MBD5: variants seen among roughly 807,000 people sequenced by gnomAD.
The protein encoded by MBD5 is methyl-CpG-binding domain protein 5.
A neutral mutation model predicts 117.3 loss-of-function variants in MBD5; 13 were observed. The observed-to-expected ratio is 0.11, with a 90% CI of 0.07 to 0.18. MBD5 has a LOEUF of 0.18. Among genes scored for constraint, MBD5 ranks in the 10% least tolerant of loss-of-function variants. The probability of loss-of-function intolerance (pLI) is 1.00; values close to 1 mark genes in which losing one functional copy is unlikely to be tolerated. For synonymous variants in MBD5, 727 were observed against 766.4 expected, an observed-to-expected ratio of 0.95 and a Z score of 0.85; for missense variants, 1,879 against 2,093.8, an observed-to-expected ratio of 0.90 and a Z score of 2.00.
At chr2:148,294,501 G>GTTTTTTTTTTGTTGTT (rs1701590246) in intron 3 of MBD5, among the ~76,000 whole-genome samples, 5 of 113,216 alleles carry the variant, frequency 4.4e-5, no homozygotes, top group South Asian at 5.3e-4. Flanking sequence ...TGGGATTACA[G>GTTTTTTTTTTGTTGTT]TTTTTTTTTT....
At chr2:148,309,656 C>G (rs1701981263) in intron 3 of MBD5, among the ~76,000 whole-genome samples, 1 of 152,082 alleles carries the variant, frequency 6.6e-6, no homozygotes, top group Non-Finnish European at 1.5e-5. Flanking sequence ...GCCTGATTGC[C>G]CCAGCCAGAA....
chr2:148,461,427 T>C (rs1242211234), intron 5 of MBD5, among the ~76,000 whole-genome samples: 1 of 152,190 alleles, frequency 6.6e-6, no homozygotes, highest in African/African-American at 2.4e-5. Flanking sequence ...TTCATAAGTG[T>C]CCATAAATAA....
chr2:148,344,371 A>G (rs1470739981), intron 4 of MBD5, among the ~76,000 whole-genome samples: 1 of 152,056 alleles, frequency 6.6e-6, no homozygotes, highest in African/African-American at 2.4e-5. Context: ...TGGTAGTTTG[A>G]TAGCAATAGC....
chr2:148,204,538 C>T (rs1455716980), intron 2 of MBD5, among the ~76,000 whole-genome samples: 1 of 152,062 alleles, frequency 6.6e-6, no homozygotes, highest in Non-Finnish European at 1.5e-5. Context: ...TGAGACATGT[C>T]CTCATAAAAT....
chr2:148,211,416 A>G (rs1222168723), intron 2 of MBD5, among the ~76,000 whole-genome samples: 1 of 152,136 alleles, frequency 6.6e-6, no homozygotes, highest in East Asian at 1.9e-4. Flanking sequence ...CTCAGAGAAA[A>G]CTGCAAGATT....
intron 8 of MBD5, among the ~76,000 whole-genome samples, chr2:148,481,004 A>G (rs1681132499): frequency 6.6e-6 from 1 of 151,680 alleles, no homozygotes; most frequent in South Asian, 2.1e-4. Context: ...TATGACTACT[A>G]ATGTCAATAA....
At chr2:148,224,676 T>C (rs13396922) in intron 2 of MBD5, among the ~76,000 whole-genome samples, 12,032 of 151,836 alleles carry the variant, frequency 0.079, 711 homozygotes, top group Admixed American at 0.12. Context: ...TAGCTATTAG[T>C]GTATTGGGGC....
intron 8 of MBD5, chr2:148,472,385 T>G (rs1680825929): frequency 6.6e-6 from 1 of 152,110 alleles, no homozygotes; most frequent in Non-Finnish European, 1.5e-5. Context: ...AGGAAGTATG[T>G]GCTTAATAAA....
In MBD5 at chr2:148,282,700, A is replaced by T. The variant is rs186372608; in HGVS notation, c.-680+49305A>T. Among the ~76,000 whole-genome samples, 4 of 151,800 alleles carry T rather than the reference A, an allele frequency of 2.6e-5. No homozygotes were observed. The East Asian group carries it at 7.7e-4, about 29-fold the overall frequency. On this transcript the variant is annotated intron_variant, in intron 3 of 13. Coordinates refer to ENST00000642680, the MANE Select transcript of MBD5 (RefSeq NM_001378120.1). ...TTATAGCCATTCTCTTTTGTAAAAT[A>T]CATGTAGCATAATAATTTTAGATAT...
intron 4 of MBD5, among the ~76,000 whole-genome samples, chr2:148,414,592 T>C (rs1456870511): frequency 1.3e-5 from 2 of 152,218 alleles, no homozygotes; most frequent in African/African-American, 4.8e-5. Flanking sequence ...AGCGTGGGAC[T>C]CTACATCTCT....
At chr2:148,400,562 A>G (rs541226503) in intron 4 of MBD5, among the ~76,000 whole-genome samples, 2 of 152,336 alleles carry the variant, frequency 1.3e-5, no homozygotes, top group African/African-American at 4.8e-5. Context: ...TCCATCCAAC[A>G]TGAAGGTTGG....
chr2:148,216,339 G>A (rs1465677710), intron 2 of MBD5, among the ~76,000 whole-genome samples: 1 of 152,130 alleles, frequency 6.6e-6, no homozygotes, highest in Non-Finnish European at 1.5e-5. Flanking sequence ...TTTGGTATGG[G>A]GATGAGCTAC....
In MBD5 at chr2:148,021,474, GCTGCTGTTGCTGCTGCTGCTGCTA is replaced by G. The variant is rs1693721661; in HGVS notation, c.-1128_-1105del. 3 of 578,510 alleles carry G rather than the reference GCTGCTGTTGCTGCTGCTGCTGCTA, an allele frequency of 5.2e-6. No homozygotes were observed. Among genetic ancestry groups the G allele is most frequent in the Non-Finnish European group, 1.0e-5 (3 of 300,548 alleles). The allele number at this position is 578,510 out of a possible 1,614,324, so 35.8% of individuals were successfully genotyped here. A position where few individuals can be genotyped will look rare whatever the true frequency, so the allele number is the denominator to read the frequency against. ...CTTTGCTGCTGCTGTTGCTGCTGCT[GCTGCTGTTGCTGCTGCTGCTGCTA>G]CTGCTGCTGCTGCTACTGCTGCTGC... On this transcript the variant is annotated 5_prime_UTR_variant, in exon 1 of 14. Transcript: ENST00000642680.
intron 1 of MBD5, among the ~76,000 whole-genome samples, chr2:148,119,717 A>G (rs542580607): frequency 6.6e-6 from 1 of 152,114 alleles, no homozygotes; most frequent in South Asian, 2.1e-4. Flanking sequence ...ATTCTTTTTC[A>G]TGTAGCTCTC....
chr2:148,308,988 C>A (rs947545232), intron 3 of MBD5, among the ~76,000 whole-genome samples: 1 of 151,864 alleles, frequency 6.6e-6, no homozygotes, highest in South Asian at 2.1e-4. Context: ...ATTTCTGAGG[C>A]CTCTGTTCCG....
At chr2:148,223,497 T>G (rs182697908) in intron 2 of MBD5, among the ~76,000 whole-genome samples, 1 of 152,218 alleles carries the variant, frequency 6.6e-6, no homozygotes, top group East Asian at 1.9e-4. Context: ...TATGTTGTAT[T>G]TTTCTAGGAA....
intron 6 of MBD5, among the ~76,000 whole-genome samples, chr2:148,463,318 T>G (rs1707154641): frequency 6.6e-6 from 1 of 152,132 alleles, no homozygotes; most frequent in South Asian, 2.1e-4. Flanking sequence ...TAATAGATTT[T>G]CAAAATCAGT....
intron 3 of MBD5, among the ~76,000 whole-genome samples, chr2:148,314,311 T>G (rs781530278): frequency 5.3e-5 from 8 of 151,782 alleles, no homozygotes; most frequent in Non-Finnish European, 7.4e-5. Flanking sequence ...TTCTTTATAT[T>G]GTATGAAAAC....
At chr2:148,231,998 A>G (rs898163061) in intron 2 of MBD5, among the ~76,000 whole-genome samples, 1 of 152,206 alleles carries the variant, frequency 6.6e-6, no homozygotes, top group African/African-American at 2.4e-5. Context: ...CTGGGAAGTG[A>G]TATTTGAGAA....
Sources: gnomAD v4.1 joint callset for allele counts (sites outside exome capture counted in the v4.1 genomes callset) on GRCh38, gnomAD v4.1.1 for gene constraint, MANE v1.5 for transcripts, NCBI Gene and HGNC (gene_info 2026-07-23, HGNC 2026-07-21) for gene names.